Variants in CAMK4 observed in about 807,000 individuals in gnomAD.
CAMK4 encodes calcium/calmodulin dependent protein kinase IV.
In CAMK4, 22 loss-of-function variants were observed where a neutral mutation model predicts 44.9. The observed-to-expected ratio is 0.49, with a 90% confidence interval of 0.35 to 0.70. The LOEUF is 0.70. Ranked by LOEUF, CAMK4 falls within the 30% of genes least tolerant of loss-of-function variation. The pLI, the probability that CAMK4 is intolerant of heterozygous loss-of-function variation, is 0.01. For missense variants in CAMK4, 498 were observed against 586.8 expected (o/e 0.85, Z 1.56); for synonymous variants, 218 against 215.4 (o/e 1.01, Z -0.11).
intron 2 of CAMK4, among the ~76,000 whole-genome samples, chr5:111,361,946 C>G (rs1750609320): frequency 6.6e-6 from 1 of 151,940 alleles, no homozygotes; most frequent in Non-Finnish European, 1.5e-5. Flanking sequence ...GGAACATTTT[C>G]ATAAATCCCT....
At chr5:111,355,175 T>C (rs1276336421) in intron 2 of CAMK4, among the ~76,000 whole-genome samples, 1 of 152,098 alleles carries the variant, frequency 6.6e-6, no homozygotes, top group Non-Finnish European at 1.5e-5. Flanking sequence ...TTTCAGACAA[T>C]GAGCCGTGTC....
chr5:111,464,207 G>A (rs1055882347), intron 7 of CAMK4, among the ~76,000 whole-genome samples: 1 of 150,176 alleles, frequency 6.7e-6, no homozygotes, highest in African/African-American at 2.4e-5. Flanking sequence ...GAAAGTCTCA[G>A]CGATAGACCT....
chr5:111,263,255 C>T (rs1215988718), intron 1 of CAMK4, among the ~76,000 whole-genome samples: 2 of 152,120 alleles, frequency 1.3e-5, no homozygotes. Flanking sequence ...AGCTGGTGAT[C>T]TTCAGGCAGT....
rs1561439982 is a variant in CAMK4, at chr5:111,362,962, GGTTGT to G, written c.241-11884_241-11880del. 2.0e-5 allele frequency among the ~76,000 whole-genome samples: 3 copies of G among 151,964 alleles called. No individual in the cohort carries two copies. The South Asian group carries it at 6.2e-4, about 32-fold the overall frequency. ...CATTTCATTCTCTTTTAATCACTCT[GGTTGT>G]GTTTGATACAAATGATGGAACACTC... On this transcript the variant is annotated intron_variant, in intron 2 of 10. Coordinates refer to ENST00000282356, the MANE Select transcript of CAMK4 (RefSeq NM_001744.6).
At chr5:111,335,019 C>A (rs1016378446) in intron 1 of CAMK4, among the ~76,000 whole-genome samples, 2 of 151,336 alleles carry the variant, frequency 1.3e-5, no homozygotes, top group Admixed American at 1.3e-4. Context: ...TTTACATGGC[C>A]ATGAAGCATA....
chr5:111,446,498 G>C (rs186073466), intron 5 of CAMK4, among the ~76,000 whole-genome samples, 188 bp from the exon 6 acceptor site: 29 of 152,218 alleles, frequency 1.9e-4, no homozygotes, highest in African/African-American at 5.8e-4. Flanking sequence ...TCACATTTAG[G>C]TAACTATTTA....
intron 5 of CAMK4, among the ~76,000 whole-genome samples, chr5:111,438,659 C>CA (rs1753728232): frequency 6.6e-6 from 1 of 151,868 alleles, no homozygotes; most frequent in African/African-American, 2.4e-5. Context: ...GAGTTTACAG[C>CA]AAAAAAGAAG....
intron 5 of CAMK4, chr5:111,416,364 C>T (rs1752814553): frequency 6.6e-6 from 1 of 152,128 alleles, no homozygotes; most frequent in South Asian, 2.1e-4. Context: ...ATTTTAGAAT[C>T]TTCCACATCT....
At chr5:111,460,636 T>C (rs1754612410) in intron 7 of CAMK4, among the ~76,000 whole-genome samples, 1 of 152,172 alleles carries the variant, frequency 6.6e-6, no homozygotes, top group Non-Finnish European at 1.5e-5. Context: ...TAGGATGAGA[T>C]AGGTTTATTT....
chr5:111,337,094 A>G (rs2112736725), intron 1 of CAMK4, among the ~76,000 whole-genome samples: 1 of 151,320 alleles, frequency 6.6e-6, no homozygotes, highest in East Asian at 2.0e-4. Context: ...TGTGAAAAAA[A>G]TTCCCCTATA....
At chr5:111,399,392 A>G (rs1292804734) in intron 5 of CAMK4, among the ~76,000 whole-genome samples, 1 of 152,146 alleles carries the variant, frequency 6.6e-6, no homozygotes, top group Non-Finnish European at 1.5e-5. Context: ...TCTCCAAGCC[A>G]TCTTAGTTTC....
chr5:111,264,345 T>C (rs1052468233), intron 1 of CAMK4, among the ~76,000 whole-genome samples: 1 of 152,212 alleles, frequency 6.6e-6, no homozygotes, highest in Admixed American at 6.5e-5. Flanking sequence ...GTCAGCTGCC[T>C]GGGTGGTTGA....
chr5:111,361,174 T>A (rs1750577444), intron 2 of CAMK4, among the ~76,000 whole-genome samples: 1 of 152,070 alleles, frequency 6.6e-6, no homozygotes, highest in South Asian at 2.1e-4. Context: ...AACCCTAAGA[T>A]GTAATTGATG....
Position 111,486,500 on chromosome 5 carries a change from A to AAAACACAC in CAMK4, c.*2035_*2036insAACACACA, listed in dbSNP as rs1215025263. ...GTTGTACTTTTTACCATGAGACTGA[A>AAAACACAC]ACACACACACACACACACACACACA... On this transcript the variant is annotated 3_prime_UTR_variant, in exon 11 of 11. Coordinates refer to ENST00000282356, the MANE Select transcript of CAMK4 (RefSeq NM_001744.6). 3 of 103,654 alleles carry AAAACACAC rather than the reference A, an allele frequency of 2.9e-5. No homozygotes were observed. The highest frequency in any genetic ancestry group is 1.0e-4 in the African/African-American group (3 of 29,494). The allele number at this position is 103,654 out of a possible 1,614,324, so 6.4% of individuals were successfully genotyped here.
chr5:111,456,984 C>T (rs1754439636), intron 7 of CAMK4, among the ~76,000 whole-genome samples: 1 of 152,138 alleles, frequency 6.6e-6, no homozygotes, highest in Non-Finnish European at 1.5e-5. Context: ...GAGTCAGTTC[C>T]AGCATCTGAT....
At chr5:111,419,952 TTAAAG>T (rs1382474706) in intron 5 of CAMK4, among the ~76,000 whole-genome samples, 2 of 152,140 alleles carry the variant, frequency 1.3e-5, no homozygotes, top group Non-Finnish European at 2.9e-5. Context: ...CATATGAACT[TTAAAG>T]TAGTTTTTTC....
intron 7 of CAMK4, among the ~76,000 whole-genome samples, chr5:111,469,293 TA>T (rs1179580027): frequency 6.6e-6 from 1 of 150,460 alleles, no homozygotes; most frequent in African/African-American, 2.5e-5. Flanking sequence ...CAAAATAAGT[TA>T]TTTTAAAAAC....
intron 1 of CAMK4, among the ~76,000 whole-genome samples, chr5:111,311,368 A>G (rs558110040): frequency 2.0e-5 from 3 of 152,334 alleles, no homozygotes; most frequent in East Asian, 1.9e-4. Context: ...TTAGCATACT[A>G]TAGTGTTTAT....
chr5:111,442,220 GCT>G, intron 5 of CAMK4, among the ~76,000 whole-genome samples: 1 of 152,134 alleles, frequency 6.6e-6, no homozygotes, highest in South Asian at 2.1e-4. Flanking sequence ...TCAGTCAGGT[GCT>G]GTGGCTCATG....
Sources: gnomAD v4.1 joint callset for allele counts (sites outside exome capture counted in the v4.1 genomes callset) on GRCh38, gnomAD v4.1.1 for gene constraint, MANE v1.5 for transcripts, NCBI Gene and HGNC (gene_info 2026-07-23, HGNC 2026-07-21) for gene names.